The following RIMS2 variants were observed in gnomAD, a reference collection of about 807,000 sequenced individuals.
RIMS2 encodes the protein regulating synaptic membrane exocytosis protein 2.
Under a neutral mutation model 174.4 loss-of-function variants are expected in RIMS2, and 59 were observed. That is an observed-to-expected ratio of 0.34 (90% CI 0.27 to 0.42). The LOEUF (loss-of-function observed/expected upper bound fraction) is 0.42, where lower values mean the gene tolerates loss of function less well. Ranked by LOEUF, RIMS2 falls within the 10% of genes least tolerant of loss-of-function variation. RIMS2 has a pLI of 1.00. For missense variants in RIMS2, 1,620 were observed against 1,666.3 expected (o/e 0.97, Z 0.48); for synonymous variants, 606 against 572.5 (o/e 1.06, Z -0.84).
intron 19 of RIMS2, among the ~76,000 whole-genome samples, chr8:104,067,206 G>A (rs1180758532): frequency 6.6e-6 from 1 of 152,002 alleles, no homozygotes; most frequent in Non-Finnish European, 1.5e-5. Flanking sequence ...TAAGCAAGGG[G>A]TATGTGTGTG....
At chr8:103,638,794 A>G (rs1170830193) in intron 1 of RIMS2, among the ~76,000 whole-genome samples, 5 of 152,040 alleles carry the variant, frequency 3.3e-5, no homozygotes, top group Non-Finnish European at 7.4e-5. Flanking sequence ...GCTCACTGCA[A>G]TTGGGATGTC....
At chr8:104,062,963 G>T (rs1429160021) in intron 19 of RIMS2, among the ~76,000 whole-genome samples, 1 of 151,446 alleles carries the variant, frequency 6.6e-6, no homozygotes. Context: ...TACTTCTTTA[G>T]CTTCAATTAG....
rs140854533 is a variant in RIMS2, at chr8:104,185,629, A to G, written c.3335-59287A>G. Among the ~76,000 whole-genome samples the G allele has an allele frequency of 4.6e-3, 693 of 151,828 alleles. 7 individuals are homozygous for G. The highest frequency in any genetic ancestry group is 0.016 in the African/African-American group (651 of 41,526). ...CATACAAATGGCTAACAGATATATG[A>G]GACAATGCTCATTATCATTATCACT... is the stretch of plus-strand genomic sequence containing the variant. On this transcript the variant is annotated intron_variant, in intron 19 of 23. Transcript: ENST00000504942.
intron 3 of RIMS2, among the ~76,000 whole-genome samples, chr8:103,797,993 C>T (rs1423363218): frequency 1.3e-5 from 2 of 152,110 alleles, no homozygotes; most frequent in African/African-American, 2.4e-5. Context: ...TATGTGATAG[C>T]TCATATACTG....
At chr8:104,163,709 A>G (rs1189965849) in intron 19 of RIMS2, among the ~76,000 whole-genome samples, 5 of 152,198 alleles carry the variant, frequency 3.3e-5, no homozygotes, top group Admixed American at 3.3e-4. Flanking sequence ...GTGCTGACAT[A>G]AGAATGTAAT....
rs1566233101 is a variant in RIMS2 at position 104,079,618 on chromosome 8, T to TG, written c.3334+65003_3334+65004insG. Among the ~76,000 whole-genome samples, 6 of 131,290 alleles carry TG rather than the reference T, an allele frequency of 4.6e-5. 1 individual carries two copies. The highest frequency in any genetic ancestry group is 1.7e-4 in the African/African-American group (6 of 35,616). 86.1% of individuals were successfully genotyped at this position (131,290 alleles called of 152,430 possible). On this transcript the variant is annotated intron_variant, in intron 19 of 23. Coordinates refer to ENST00000504942, the Ensembl canonical transcript of RIMS2. The stretch of plus-strand genomic sequence containing the variant: ...AGCATGATATATATATATATATATA[T>TG]ATATATATATATATATATATATATG...
At chr8:103,974,142 T>A (rs2093195479) in intron 15 of RIMS2, among the ~76,000 whole-genome samples, 1 of 152,202 alleles carries the variant, frequency 6.6e-6, no homozygotes, top group Non-Finnish European at 1.5e-5. Flanking sequence ...CTTGCCCTAT[T>A]CTGCTCTTCT....
intron 19 of RIMS2, among the ~76,000 whole-genome samples, chr8:104,090,348 A>G (rs2097627548): frequency 6.6e-6 from 1 of 151,730 alleles, no homozygotes; most frequent in Non-Finnish European, 1.5e-5. Flanking sequence ...AACTAAACAA[A>G]TTAAAGCCTT....
chr8:104,179,976 T>A (rs1430937393), intron 19 of RIMS2, among the ~76,000 whole-genome samples: 1 of 151,796 alleles, frequency 6.6e-6, no homozygotes, highest in Non-Finnish European at 1.5e-5. Context: ...CTACTGCAAT[T>A]TGCTTTCTGT....
rs56238550 is a variant in RIMS2 at position 103,630,145 on chromosome 8, CAAAA to C, written c.177-66928_177-66925del. Among the ~76,000 whole-genome samples, 912 of 122,428 alleles carry C rather than the reference CAAAA, an allele frequency of 7.4e-3. 11 individuals carry two copies. The highest frequency in any genetic ancestry group is 0.024 in the African/African-American group (860 of 35,424). The allele number at this position is 122,428 out of a possible 152,430, so 80.3% of individuals were successfully genotyped here. ...TAATCAAATTTCTGAAAACTGAAGA[CAAAA>C]AAAAAAAAAAAATCTTGAAAGCAGC... is the stretch of plus-strand genomic sequence containing the variant. On this transcript the variant is annotated intron_variant, in intron 1 of 23. Coordinates refer to ENST00000504942, the Ensembl canonical transcript of RIMS2.
At chr8:103,883,521 G>A (rs918580619) in intron 3 of RIMS2, among the ~76,000 whole-genome samples, 1 of 151,676 alleles carries the variant, frequency 6.6e-6, no homozygotes, top group Admixed American at 6.6e-5. Context: ...GGAATCTATG[G>A]TTTTATGTAA....
chr8:103,698,956 C>T (rs891581589), intron 2 of RIMS2, among the ~76,000 whole-genome samples: 2 of 152,132 alleles, frequency 1.3e-5, no homozygotes, highest in Non-Finnish European at 2.9e-5. Context: ...TGGTAGATTA[C>T]ACCAGTGAAG....
intron 3 of RIMS2, among the ~76,000 whole-genome samples, chr8:103,802,002 A>G (rs1236278963): frequency 1.3e-5 from 2 of 152,202 alleles, no homozygotes; most frequent in Non-Finnish European, 2.9e-5. Context: ...TTTGGTATTG[A>G]TAATTGTAGC....
chr8:104,019,828 A>G (rs973114452), intron 19 of RIMS2, among the ~76,000 whole-genome samples: 2 of 152,100 alleles, frequency 1.3e-5, no homozygotes, highest in African/African-American at 2.4e-5. Flanking sequence ...TCTGTATCTC[A>G]TATAGTCCAT....
intron 1 of RIMS2, among the ~76,000 whole-genome samples, chr8:103,676,870 G>A (rs903110444): frequency 4.6e-5 from 7 of 152,122 alleles, no homozygotes; most frequent in Non-Finnish European, 7.3e-5. Flanking sequence ...TGTAATTTCA[G>A]TTACTCAGGA....
chr8:104,063,898 T>A (rs12679705), intron 19 of RIMS2, among the ~76,000 whole-genome samples: 2,017 of 152,282 alleles, frequency 0.013, 28 homozygotes, highest in Middle Eastern at 0.11. Flanking sequence ...TCTGTCTTTG[T>A]GTCAGGAGTG....
chr8:103,956,430 C>A (rs2087242840), intron 14 of RIMS2, among the ~76,000 whole-genome samples: 1 of 152,050 alleles, frequency 6.6e-6, no homozygotes. Context: ...AGAACAGAAG[C>A]CTCAGAAATA....
intron 3 of RIMS2, among the ~76,000 whole-genome samples, chr8:103,822,723 A>G (rs1007120681): frequency 1.3e-5 from 2 of 151,920 alleles, no homozygotes; most frequent in African/African-American, 4.8e-5. Context: ...CATCCTGCAT[A>G]AACTCACTTG....
intron 17 of RIMS2, among the ~76,000 whole-genome samples, chr8:104,010,091 ATCCCTTGCAAGACAAT>A (rs2095711022): frequency 6.6e-6 from 1 of 152,134 alleles, no homozygotes; most frequent in Non-Finnish European, 1.5e-5. Flanking sequence ...CTAGAGGGAA[ATCCCTTGCAAGACAAT>A]TCCCTTGCAT....
Sources: gnomAD v4.1 joint callset for allele counts (sites outside exome capture counted in the v4.1 genomes callset) on GRCh38, gnomAD v4.1.1 for gene constraint, MANE v1.5 for transcripts, NCBI Gene and HGNC (gene_info 2026-07-23, HGNC 2026-07-21) for gene names.